The following RNF167 variants were observed in gnomAD, a reference collection of about 807,000 sequenced individuals.
RNF167 encodes ring finger protein 167.
Under a neutral mutation model 34.8 loss-of-function variants are expected in RNF167, and 19 were observed. The observed-to-expected ratio is 0.55, with a 90% CI of 0.38 to 0.80. RNF167 has a LOEUF of 0.80. RNF167 is among the 30% of genes least tolerant of loss of function. RNF167 has a pLI of 0.00. For missense variants in RNF167, 464 were observed against 447.0 expected, an observed-to-expected ratio of 1.04 and a Z score of -0.34; for synonymous variants, 200 against 170.4, an observed-to-expected ratio of 1.17 and a Z score of -1.35.
chr17:4,941,255 G>A (rs1450457502), intron 3 of RNF167, 98 bp downstream of exon 3: 1 of 1,148,926 alleles, frequency 8.7e-7, no homozygotes, highest in Non-Finnish European at 1.3e-6. Context: ...ATCCTAGGCT[G>A]GGGTTGGGGA....
In RNF167 at chr17:4,942,395, C is replaced by T. The variant is rs772746693; in HGVS notation, c.220C>T (p.Pro74Ser). ...DNACSPIAPP[P>S]PAPVNGSVFI... ...TGCCTGCAGCCCCATTGCCCCACCA[C>T]CCCCAGCCCCGGTCAATGGGTCAGT... Residue 74 changes from proline to serine, a missense_variant, in exon 4 of 10, where the codon CCC becomes TCC. Physicochemically the swap from Pro to Ser is moderately conservative, Grantham distance 74. Coordinates refer to ENST00000262482, the MANE Select transcript of RNF167 (RefSeq NM_015528.3). The T allele has an allele frequency of 6.2e-7, 1 of 1,613,922 alleles. No individual in the cohort carries two copies. Among genetic ancestry groups the T allele is most frequent in the Admixed American group, 1.7e-5 (1 of 60,016 alleles).
intron 8 of RNF167, 114 bp from the exon 9 acceptor site, chr17:4,944,443 CT>C: frequency 6.7e-7 from 1 of 1,486,330 alleles, no homozygotes; most frequent in Non-Finnish European, 8.9e-7. Flanking sequence ...GCCTACCTGT[CT>C]TATCTCTTCC....
rs769005807 is a variant in RNF167 at position 4,944,725 on chromosome 17, C to G, written c.762C>G (p.Ser254Arg). The change falls in exon 10 of 10, where the codon AGC (serine) becomes AGG (arginine). Residue 254 changes from serine to arginine, a missense_variant. By Grantham distance (110) the Ser-to-Arg change is moderately radical. Coordinates refer to ENST00000262482, the MANE Select transcript of RNF167 (RefSeq NM_015528.3). ...TGTTCCTCTCTGCAGCCTACCACAG[C>G]CGCTGCGTGGACCCCTGGCTCACTC... ...RVLPCAHAYH[S>R]RCVDPWLTQT... 8 of 1,613,950 alleles carry G rather than the reference C, an allele frequency of 5.0e-6. No individual in the cohort carries two copies. In the African/African-American group the frequency reaches 1.1e-4, roughly 22 times the overall value.
Position 4,945,183 on chromosome 17 carries a change from T to A in RNF167, c.*167T>A. 2 of 571,242 alleles carry A rather than the reference T, an allele frequency of 3.5e-6. No homozygotes were observed. Among genetic ancestry groups the A allele is most frequent in the Admixed American group, 3.3e-5 (1 of 30,314 alleles). 35.4% of individuals were successfully genotyped at this position (571,242 alleles called of 1,614,324 possible). On this transcript the variant is annotated 3_prime_UTR_variant, in exon 10 of 10. Coordinates refer to ENST00000262482, the MANE Select transcript of RNF167 (RefSeq NM_015528.3). ...TGGGGCAAGCAGAGGGACTGGGTCTTCACTTCTTGGGCTAATAAAATTGTT... is the reference window on the plus strand; with the variant it reads ...TGGGGCAAGCAGAGGGACTGGGTCTACACTTCTTGGGCTAATAAAATTGTT...
chr17:4,940,552 C>G lies in RNF167; in HGVS notation c.-358C>G, dbSNP rs1483727703. The G allele has an allele frequency of 4.3e-6, 1 of 233,080 alleles. No individual in the cohort carries two copies. Among genetic ancestry groups the G allele is most frequent in the East Asian group, 8.3e-5 (1 of 12,040 alleles). The allele number at this position is 233,080 out of a possible 1,614,324, so 14.4% of individuals were successfully genotyped here. On this transcript the variant is annotated 5_prime_UTR_variant, in exon 2 of 10. Coordinates refer to ENST00000262482, the MANE Select transcript of RNF167 (RefSeq NM_015528.3). ...GGCCTGATTTTCTCTACCGGAAGCC[C>G]TTTTCCAGAGGCTGGGAACACGGCC...
Position 4,943,999 on chromosome 17 carries a change from T to A in RNF167, c.670+480T>A, listed in dbSNP as rs567737689. On this transcript the variant is annotated intron_variant, in intron 8 of 9. Transcript: ENST00000262482. ...AGAGGGAGTCCCTTTCTCAAAAAAA[T>A]AATAATAAAAATAAAGATGGCAGTA... 2.7e-3 allele frequency among the ~76,000 whole-genome samples: 412 copies of A among 152,112 alleles called. 3 individuals carry two copies. The highest frequency in any genetic ancestry group is 4.9e-3 in the Non-Finnish European group (330 of 67,962).
Position 4,940,592 on chromosome 17 carries a change from T to C in RNF167, c.-318T>C. ...GGAACACGGCCCACCTAGCAGGAAG[T>C]CCCACCTCCTTGAGCTCCGCCACCC... On this transcript the variant is annotated 5_prime_UTR_variant, in exon 2 of 10. Coordinates refer to ENST00000262482, the MANE Select transcript of RNF167 (RefSeq NM_015528.3). 3.4e-6 allele frequency: 1 copy of C among 297,260 alleles called. No individual in the cohort carries two copies. Among genetic ancestry groups the C allele is most frequent in the East Asian group, 5.5e-5 (1 of 18,068 alleles). 18.4% of individuals were successfully genotyped at this position (297,260 alleles called of 1,614,324 possible). A position where few individuals can be genotyped will look rare whatever the true frequency, so the allele number is the denominator to read the frequency against.
intron 3 of RNF167, among the ~76,000 whole-genome samples, chr17:4,941,949 G>C (rs898747684): frequency 6.6e-6 from 1 of 152,156 alleles, no homozygotes; most frequent in Non-Finnish European, 1.5e-5. Flanking sequence ...AAACTGAAGG[G>C]AGGGGAGTGT....
At position 4,940,651 on chromosome 17, in the gene RNF167, C is replaced by G; in HGVS notation, c.-259C>G. On this transcript the variant is annotated 5_prime_UTR_variant, in exon 2 of 10. Coordinates refer to ENST00000262482, the MANE Select transcript of RNF167 (RefSeq NM_015528.3). ...GTTTTTCTGTCACCTGTGTTAGGCT[C>G]CGTCCCCTTTCCGCGTTTTATCCCC... 3 of 403,388 alleles carry G rather than the reference C, an allele frequency of 7.4e-6. No homozygotes were observed. Among genetic ancestry groups the G allele is most frequent in the Non-Finnish European group, 1.3e-5 (3 of 226,240 alleles). 25.0% of individuals were successfully genotyped at this position (403,388 alleles called of 1,614,324 possible). A position where few individuals can be genotyped will look rare whatever the true frequency, so the allele number is the denominator to read the frequency against.
intron 3 of RNF167, 151 bp from the exon 4 acceptor site, chr17:4,942,190 T>A: frequency 1.2e-6 from 1 of 843,220 alleles, no homozygotes; most frequent in Non-Finnish European, 1.9e-6. Flanking sequence ...AAGAGAAGGT[T>A]GTGATGGTGG....
intron 6 of RNF167, 77 bp downstream of exon 6, chr17:4,943,018 A>T: frequency 7.0e-7 from 1 of 1,424,820 alleles, no homozygotes; most frequent in Non-Finnish European, 9.9e-7. Context: ...CCTCCTCATT[A>T]CCCGAACCAT....
intron 3 of RNF167, among the ~76,000 whole-genome samples, chr17:4,941,596 A>G (rs775910019): frequency 2.4e-4 from 36 of 152,218 alleles, no homozygotes; most frequent in Non-Finnish European, 4.9e-4. Flanking sequence ...TTTCATCCCA[A>G]AGACTGCCAC....
At chr17:4,943,544 G>GCCCT in intron 8 of RNF167, 25 bp downstream of exon 8, 1 of 1,558,842 alleles carries the variant, frequency 6.4e-7, no homozygotes, top group Non-Finnish European at 8.8e-7. Flanking sequence ...GGAGAAGAGG[G>GCCCT]CTTTTCCCAC....
Position 4,945,104 on chromosome 17 carries a change from C to G in RNF167, c.*88C>G. Reference sequence around the variant, plus strand: ...TTCTGAGGGATAGGGGACATTCCATCCCAAGCTTCTCCCTTACCCACACCT... The same window carrying G: ...TTCTGAGGGATAGGGGACATTCCATGCCAAGCTTCTCCCTTACCCACACCT... On this transcript the variant is annotated 3_prime_UTR_variant, in exon 10 of 10. Transcript: ENST00000262482. 8.0e-7 allele frequency: 1 copy of G among 1,246,650 alleles called. No individual in the cohort carries two copies. The highest frequency in any genetic ancestry group is 1.6e-5 in the South Asian group (1 of 64,280). The allele number at this position is 1,246,650 out of a possible 1,614,324, so 77.2% of individuals were successfully genotyped here.
rs755954389 is a variant in RNF167 at position 4,942,661 on chromosome 17, A to G, written c.376A>G (p.Ser126Gly). Residue 126 changes from serine to glycine, a missense_variant, in exon 5 of 10, where the codon AGT (serine) becomes GGT (glycine). Ser to Gly is a moderately conservative substitution (Grantham distance 56). Coordinates refer to ENST00000262482, the MANE Select transcript of RNF167 (RefSeq NM_015528.3). ...TGAACTTCTGAACATGGTGTGGAAT[A>G]GTGGTAAGGCTGGGGGAATCTATAC... ...SNELLNMVWN[S>G]EEIQQQIWIP... is the part of the protein sequence containing the mutation. 10 of 1,614,086 alleles carry G rather than the reference A, an allele frequency of 6.2e-6. No individual in the cohort carries two copies. In the South Asian group the frequency reaches 1.1e-4, roughly 18 times the overall value.
Position 4,942,637 on chromosome 17 carries a change from G to A in RNF167, c.352G>A (p.Glu118Lys), listed in dbSNP as rs1970939392. Residue 118 changes from glutamate to lysine, a missense_variant, in exon 5 of 10, where the codon GAA becomes AAA. Glu to Lys is a moderately conservative substitution (Grantham distance 56, BLOSUM62 1). Coordinates refer to ENST00000262482, the MANE Select transcript of RNF167 (RefSeq NM_015528.3). ...TGTAGTACACAATGTGAATTCCAAT[G>A]AACTTCTGAACATGGTGTGGAATAG... ...AAVVHNVNSN[E>K]LLNMVWNSEE... is the part of the protein sequence containing the mutation. 6.2e-7 allele frequency: 1 copy of A among 1,614,186 alleles called. No homozygotes were observed. The highest frequency in any genetic ancestry group is 2.2e-5 in the East Asian group (1 of 44,878).
intron 3 of RNF167, 134 bp from the exon 4 acceptor site, chr17:4,942,207 C>A: frequency 9.9e-7 from 1 of 1,007,306 alleles, no homozygotes; most frequent in Non-Finnish European, 1.5e-6. Context: ...GTGGGATGCT[C>A]ACTCAGACCC....
Position 4,942,325 on chromosome 17 carries a change from T to G in RNF167, c.166-16T>G, listed in dbSNP as rs757340408. 6.2e-7 allele frequency: 1 copy of G among 1,612,452 alleles called. No individual in the cohort carries two copies. Among genetic ancestry groups the G allele is most frequent in the East Asian group, 2.2e-5 (1 of 44,866 alleles). On this transcript the variant is annotated splice_polypyrimidine_tract_variant and intron_variant, in intron 3 of 9. Transcript: ENST00000262482. ...AGAAAGGAGAAATCTCACTGTTGTT[T>G]GCTTCCATCCTTCAGGGGTTCCTTG...
Position 4,945,078 on chromosome 17 carries a change from C to T in RNF167, c.*62C>T. 2.9e-6 allele frequency: 4 copies of T among 1,360,914 alleles called. No individual in the cohort carries two copies. The highest frequency in any genetic ancestry group is 1.4e-5 in the South Asian group (1 of 69,970). 84.3% of individuals were successfully genotyped at this position (1,360,914 alleles called of 1,614,324 possible). Reference sequence around the variant, plus strand: ...CACAGACCGTCGTCTTCCCTCCAGTCTTCTGAGGGATAGGGGACATTCCAT... The same window carrying T: ...CACAGACCGTCGTCTTCCCTCCAGTTTTCTGAGGGATAGGGGACATTCCAT... On this transcript the variant is annotated 3_prime_UTR_variant, in exon 10 of 10. Coordinates refer to ENST00000262482, the MANE Select transcript of RNF167 (RefSeq NM_015528.3).
Sources: allele counts gnomAD v4.1 joint callset (sites outside exome capture counted in the v4.1 genomes callset), GRCh38; gene constraint gnomAD v4.1.1; transcripts MANE v1.5; gene names NCBI Gene and HGNC (gene_info 2026-07-23, HGNC 2026-07-21).